Variants in EVI5 observed in about 807,000 individuals in gnomAD.
The protein encoded by EVI5 is ecotropic viral integration site 5 protein homolog.
Under a neutral mutation model 112.0 loss-of-function variants are expected in EVI5, and 73 were observed. The ratio of observed to expected loss-of-function variants is 0.65; its 90% CI spans 0.54 to 0.79. EVI5 has a LOEUF of 0.79. EVI5 is among the 30% of genes least tolerant of loss of function. EVI5 has a pLI of 0.00. For missense variants in EVI5, 900 were observed against 968.8 expected, an observed-to-expected ratio of 0.93 and a Z score of 0.94; for synonymous variants, 305 against 319.9, an observed-to-expected ratio of 0.95 and a Z score of 0.50.
At chr1:92,528,438 A>T (rs775784825) in intron 19 of EVI5, among the ~76,000 whole-genome samples, 2 of 152,186 alleles carry the variant, frequency 1.3e-5, no homozygotes, top group Non-Finnish European at 2.9e-5. Flanking sequence ...TATAGTAGTC[A>T]CCCAGCAATT....
intron 1 of EVI5, among the ~76,000 whole-genome samples, chr1:92,743,442 A>G (rs1395212068): frequency 1.3e-5 from 2 of 152,228 alleles, no homozygotes; most frequent in African/African-American, 4.8e-5. Flanking sequence ...CCATAAAATG[A>G]CAAATATTGT....
rs370586659 is a variant in EVI5, at chr1:92,601,261, G to C, written c.2070+4046C>G. On this transcript the variant is annotated intron_variant, in intron 18 of 19. Coordinates refer to ENST00000684568, the MANE Select transcript of EVI5 (RefSeq NM_001350197.2). ...ATGAAAGACAGTAAGTGCTGGAGAG[G>C]ATGTGGTGAAAAGGGAACTCTTACA... Among the ~76,000 whole-genome samples the C allele has an allele frequency of 1.3e-4, 20 of 152,272 alleles. 1 individual carries two copies. Among genetic ancestry groups the C allele is most frequent in the African/African-American group, 4.8e-4 (20 of 41,556 alleles).
chr1:92,590,278 G>A (rs971152181), intron 18 of EVI5, among the ~76,000 whole-genome samples: 1 of 152,134 alleles, frequency 6.6e-6, no homozygotes, highest in East Asian at 1.9e-4. Flanking sequence ...TGACTTTGAC[G>A]AGTTGAGAGA....
intron 19 of EVI5, among the ~76,000 whole-genome samples, chr1:92,528,985 T>C (rs1662393930): frequency 1.3e-5 from 2 of 152,180 alleles, no homozygotes; most frequent in African/African-American, 4.8e-5. Flanking sequence ...ATAATATCTA[T>C]AAAAGATTGT....
intron 18 of EVI5, among the ~76,000 whole-genome samples, chr1:92,597,048 G>C (rs1193755634): frequency 1.3e-5 from 2 of 152,084 alleles, no homozygotes; most frequent in Non-Finnish European, 2.9e-5. Flanking sequence ...TTTTGAATGA[G>C]TGAACCAACA....
At position 92,557,987 on chromosome 1, in the gene EVI5, T is replaced by C. The variant is rs190310170; in HGVS notation, c.2166+5655A>G. Among the ~76,000 whole-genome samples, 4 of 152,242 alleles carry C rather than the reference T, an allele frequency of 2.6e-5. No homozygotes were observed. In the East Asian group the frequency reaches 7.7e-4, roughly 29 times the overall value. The stretch of plus-strand genomic sequence containing the variant: ...TCCTGACCTCAAGTGATCCACCTGC[T>C]TCAGCCTCCCAAAGTGCTGGGATTA... On this transcript the variant is annotated intron_variant, in intron 19 of 19. Transcript: ENST00000684568.
intron 2 of EVI5, among the ~76,000 whole-genome samples, chr1:92,725,471 C>T (rs2102728923): frequency 6.6e-6 from 1 of 152,176 alleles, no homozygotes; most frequent in South Asian, 2.1e-4. Context: ...TCAAACACGA[C>T]AAGATAAAAT....
intron 16 of EVI5, among the ~76,000 whole-genome samples, chr1:92,609,613 C>T (rs533698770): frequency 2.7e-4 from 41 of 152,168 alleles, no homozygotes; most frequent in Non-Finnish European, 5.4e-4. Flanking sequence ...CCGCCTCAGC[C>T]TCCCAAAGTG....
intron 2 of EVI5, among the ~76,000 whole-genome samples, chr1:92,725,101 G>A (rs920295985): frequency 6.6e-6 from 1 of 152,188 alleles, no homozygotes; most frequent in Non-Finnish European, 1.5e-5. Context: ...GACCAGAGAT[G>A]AAAGAACTAT....
chr1:92,516,914 G>A (rs1000071983), intron 19 of EVI5, among the ~76,000 whole-genome samples: 4 of 151,910 alleles, frequency 2.6e-5, no homozygotes, highest in Non-Finnish European at 5.9e-5. Context: ...AATCCTTATG[G>A]GTATTATCAG....
chr1:92,677,199 T>A lies in EVI5; in HGVS notation c.1117A>T (p.Thr373Ser). 1 of 1,584,176 alleles carries A rather than the reference T, an allele frequency of 6.3e-7. No homozygotes were observed. The highest frequency in any genetic ancestry group is 8.6e-7 in the Non-Finnish European group (1 of 1,159,008). Residue 373 changes from threonine (T) to serine (S), a missense_variant, in exon 10 of 20, where the codon ACA (threonine) becomes TCA (serine). Transcript: ENST00000684568. The stretch of plus-strand genomic sequence containing the variant: ...TCTTCCATTTCTTTCGTTTTTATTG[T>A]AGTGTATTCCTTTTCAAGCCTAAGA... ...KMKKLEKEYT[T>S]IKTKEMEEQV...
At chr1:92,667,723 C>T (rs1665158515) in intron 10 of EVI5, among the ~76,000 whole-genome samples, 1 of 152,170 alleles carries the variant, frequency 6.6e-6, no homozygotes, top group Non-Finnish European at 1.5e-5. Flanking sequence ...TCAAGCGATT[C>T]TCCTGACTCA....
chr1:92,562,227 C>T (rs1193963556), intron 19 of EVI5, among the ~76,000 whole-genome samples: 2 of 152,044 alleles, frequency 1.3e-5, no homozygotes, highest in Admixed American at 6.6e-5. Flanking sequence ...CTATGGCTAT[C>T]GATTTAAAAA....
At chr1:92,596,788 T>C (rs2101446531) in intron 18 of EVI5, among the ~76,000 whole-genome samples, 1 of 152,306 alleles carries the variant, frequency 6.6e-6, no homozygotes, top group Non-Finnish European at 1.5e-5. Flanking sequence ...TCAGGCTTTA[T>C]ATAATTTTTG....
chr1:92,711,291 G>A (rs1570513846), intron 2 of EVI5, among the ~76,000 whole-genome samples: 1 of 152,090 alleles, frequency 6.6e-6, no homozygotes, highest in African/African-American at 2.4e-5. Flanking sequence ...CAAAAATCTG[G>A]TAATTATCTG....
At chr1:92,754,030 A>C (rs1187465938) in intron 1 of EVI5, among the ~76,000 whole-genome samples, 1 of 152,200 alleles carries the variant, frequency 6.6e-6, no homozygotes, top group Non-Finnish European at 1.5e-5. Context: ...GAGAATAGTA[A>C]AGTAAAAGCC....
chr1:92,635,477 C>T (rs1658588900), intron 14 of EVI5, among the ~76,000 whole-genome samples: 1 of 152,212 alleles, frequency 6.6e-6, no homozygotes, highest in Non-Finnish European at 1.5e-5. Context: ...ACCCTCCGAG[C>T]CAGGCACAGG....
At chr1:92,718,691 A>G (rs7539919) in intron 2 of EVI5, among the ~76,000 whole-genome samples, 1 of 152,080 alleles carries the variant, frequency 6.6e-6, no homozygotes, top group Admixed American at 6.6e-5. Flanking sequence ...ATAACTAAGA[A>G]CAGAGCAGAA....
chr1:92,698,909 G>C (rs1670706669), intron 5 of EVI5, among the ~76,000 whole-genome samples: 1 of 152,156 alleles, frequency 6.6e-6, no homozygotes, highest in Non-Finnish European at 1.5e-5. Flanking sequence ...GCTCTGTAAA[G>C]AGCTACAAAG....
Sources: allele counts gnomAD v4.1 joint callset (sites outside exome capture counted in the v4.1 genomes callset), GRCh38; gene constraint gnomAD v4.1.1; transcripts MANE v1.5; gene names NCBI Gene and HGNC (gene_info 2026-07-23, HGNC 2026-07-21).